The following SDK1 variants were observed in gnomAD, a reference collection of about 807,000 sequenced individuals.
SDK1 encodes the protein sidekick cell adhesion molecule 1.
SDK1 carries 157 observed loss-of-function variants against 245.5 expected under a neutral mutation model. That is an observed-to-expected ratio of 0.64 (90% CI 0.56 to 0.73). The LOEUF is 0.73. Ranked by LOEUF, SDK1 falls within the 30% of genes least tolerant of loss-of-function variation. The probability of loss-of-function intolerance (pLI) is 0.00; values close to 1 mark genes in which losing one functional copy is unlikely to be tolerated. For synonymous variants in SDK1, 1,647 were observed against 1,278.5 expected (o/e 1.29, Z -6.15); for missense variants, 3,583 against 3,002.3 (o/e 1.19, Z -4.52).
At chr7:3,577,729 A>G (rs1300377814) in intron 1 of SDK1, among the ~76,000 whole-genome samples, 1 of 152,020 alleles carries the variant, frequency 6.6e-6, no homozygotes, top group African/African-American at 2.4e-5. Context: ...TGAGGAAGGC[A>G]TTTTCTGTGT....
intron 4 of SDK1, among the ~76,000 whole-genome samples, chr7:3,815,596 C>T (rs1460499865): frequency 6.7e-6 from 1 of 148,354 alleles, no homozygotes; most frequent in Non-Finnish European, 1.5e-5. Context: ...GTGTCTCTGC[C>T]CGGCTTTGGT....
At chr7:3,708,230 G>A (rs1253858416) in intron 4 of SDK1, among the ~76,000 whole-genome samples, 1 of 152,142 alleles carries the variant, frequency 6.6e-6, no homozygotes, top group Non-Finnish European at 1.5e-5. Flanking sequence ...CACAAGGACA[G>A]TACCAGGAGG....
rs778686531 is a variant in SDK1, at chr7:3,331,097, C to G, written c.298+29213C>G. Among the ~76,000 whole-genome samples, 8 of 152,066 alleles carry G rather than the reference C, an allele frequency of 5.3e-5. No individual in the cohort carries two copies. In the South Asian group the frequency reaches 1.0e-3, roughly 20 times the overall value. On this transcript the variant is annotated intron_variant, in intron 1 of 44. Transcript: ENST00000404826. ...TGGCCAACATGGTGAAACCCCGTCT[C>G]TACTAAAAATACAAAAATTAGCTGG...
At chr7:3,360,065 G>A (rs1029901637) in intron 1 of SDK1, among the ~76,000 whole-genome samples, 6 of 152,154 alleles carry the variant, frequency 3.9e-5, no homozygotes, top group South Asian at 2.1e-4. Flanking sequence ...AAAATGTGAG[G>A]GACAGGAGAA....
intron 32 of SDK1, among the ~76,000 whole-genome samples, chr7:4,162,356 GGTTGTT>G (rs373778675): frequency 3.1e-4 from 38 of 121,946 alleles, no homozygotes; most frequent in African/African-American, 1.1e-3. Context: ...TGGTGGTGGT[GGTTGTT>G]GTTGTTGTTA....
chr7:4,098,813 A>G (rs1441091489), intron 22 of SDK1, among the ~76,000 whole-genome samples: 2 of 131,164 alleles, frequency 1.5e-5, no homozygotes, highest in African/African-American at 5.8e-5. Flanking sequence ...ACAGGAGCAC[A>G]CCACAATGCC....
At chr7:3,966,118 G>A (rs371038174) in intron 9 of SDK1, among the ~76,000 whole-genome samples, 3 of 152,148 alleles carry the variant, frequency 2.0e-5, no homozygotes, top group African/African-American at 7.2e-5. Context: ...CCCTGACACA[G>A]GCACAGAAGT....
intron 5 of SDK1, among the ~76,000 whole-genome samples, chr7:3,861,304 C>G (rs1161873868): frequency 6.6e-6 from 1 of 152,210 alleles, no homozygotes; most frequent in Non-Finnish European, 1.5e-5. Flanking sequence ...TTACTCTCCA[C>G]TAGTTATTTA....
At chr7:4,012,641 T>C (rs1192880537) in intron 16 of SDK1, among the ~76,000 whole-genome samples, 1 of 138,802 alleles carries the variant, frequency 7.2e-6, no homozygotes, top group Non-Finnish European at 1.5e-5. Context: ...TGGCACAATC[T>C]TGGCTCAATG....
rs1326557895 is a variant in SDK1, at chr7:4,266,672, A to G, written c.*1288A>G. 1.6e-5 allele frequency: 16 copies of G among 985,386 alleles called. No individual in the cohort carries two copies. The highest frequency in any genetic ancestry group is 7.2e-6 in the Non-Finnish European group (6 of 829,954). 61.0% of individuals were successfully genotyped at this position (985,386 alleles called of 1,614,324 possible). On this transcript the variant is annotated 3_prime_UTR_variant, in exon 45 of 45. Transcript: ENST00000404826. ...AAAACTTAACAGCTCAGAGATGGCC[A>G]TGCCTCCAGCCCCTCACGTCATCTT...
chr7:3,447,923 C>T (rs921036902), intron 1 of SDK1, among the ~76,000 whole-genome samples: 4 of 151,524 alleles, frequency 2.6e-5, no homozygotes, highest in East Asian at 1.9e-4. Context: ...AGGCTGGTCT[C>T]GAATTCCCGA....
intron 17 of SDK1, among the ~76,000 whole-genome samples, chr7:4,034,393 G>C (rs1359086980): frequency 6.6e-6 from 1 of 152,166 alleles, no homozygotes; most frequent in African/African-American, 2.4e-5. Flanking sequence ...CAATATTGTG[G>C]TTACCTGGTG....
chr7:3,815,014 C>T (rs1779472366), intron 4 of SDK1, among the ~76,000 whole-genome samples: 1 of 147,152 alleles, frequency 6.8e-6, no homozygotes, highest in Non-Finnish European at 1.5e-5. Context: ...AGATTTTGGG[C>T]TGAGACAATG....
At chr7:3,442,892 A>T (rs1038239390) in intron 1 of SDK1, among the ~76,000 whole-genome samples, 2 of 152,090 alleles carry the variant, frequency 1.3e-5, no homozygotes, top group African/African-American at 2.4e-5. Context: ...CCCTCCGAAC[A>T]CTTTTGATCT....
At chr7:3,607,691 A>G (rs770395856) in intron 1 of SDK1, among the ~76,000 whole-genome samples, 4 of 152,178 alleles carry the variant, frequency 2.6e-5, no homozygotes, top group African/African-American at 4.8e-5. Flanking sequence ...CGGTGGCCTG[A>G]TTTATGTGTG....
At chr7:3,676,924 T>G (rs1783921090) in intron 4 of SDK1, among the ~76,000 whole-genome samples, 1 of 152,232 alleles carries the variant, frequency 6.6e-6, no homozygotes, top group African/African-American at 2.4e-5. Flanking sequence ...TGTAGTATAG[T>G]TTGAAGTTGG....
At chr7:3,475,390 T>C (rs1171146443) in intron 1 of SDK1, among the ~76,000 whole-genome samples, 3 of 152,222 alleles carry the variant, frequency 2.0e-5, no homozygotes, top group Non-Finnish European at 4.4e-5. Flanking sequence ...CTTCCTCCTT[T>C]GAGCCCCCTC....
Position 3,553,767 on chromosome 7 carries a change from T to C in SDK1, c.299-65313T>C, listed in dbSNP as rs529749541. Among the ~76,000 whole-genome samples the C allele has an allele frequency of 3.9e-5, 6 of 152,264 alleles. No homozygotes were observed. The South Asian group carries it at 1.2e-3, about 32-fold the overall frequency. On this transcript the variant is annotated intron_variant, in intron 1 of 44. Transcript: ENST00000404826. ...TGTCCTCATGCACCTAAGACCACCT[T>C]CTTCTGCCCAGAGAGGAATAGGTGG...
At chr7:3,399,764 G>A (rs1349733970) in intron 1 of SDK1, among the ~76,000 whole-genome samples, 1 of 152,104 alleles carries the variant, frequency 6.6e-6, no homozygotes, top group African/African-American at 2.4e-5. Context: ...CTCTGTATAT[G>A]TGTTGTGTAT....
Sources: allele counts gnomAD v4.1 joint callset (sites outside exome capture counted in the v4.1 genomes callset), GRCh38; gene constraint gnomAD v4.1.1; transcripts MANE v1.5; gene names NCBI Gene and HGNC (gene_info 2026-07-23, HGNC 2026-07-21).